Variants in MIR2052HG observed in about 807,000 individuals in gnomAD.
MIR2052HG encodes MIR2052 host gene.
chr8:74,719,355 G>A (rs1485146395), intron 4 of MIR2052HG, among the ~76,000 whole-genome samples: 1 of 152,174 alleles, frequency 6.6e-6, no homozygotes, highest in South Asian at 2.1e-4. Context: ...ATTGCATAGC[G>A]AGCACTGGTC....
chr8:74,739,125 GC>G (rs1809801068), intron 4 of MIR2052HG, among the ~76,000 whole-genome samples: 1 of 152,162 alleles, frequency 6.6e-6, no homozygotes, highest in Non-Finnish European at 1.5e-5. Context: ...TATTTATTTT[GC>G]TGTTACTAAT....
At chr8:74,676,795 T>C (rs1430764353) in intron 2 of MIR2052HG, among the ~76,000 whole-genome samples, 2 of 152,000 alleles carry the variant, frequency 1.3e-5, no homozygotes, top group African/African-American at 4.8e-5. Flanking sequence ...ATTCCAAGTG[T>C]ACTTACAACA....
intron 2 of MIR2052HG, among the ~76,000 whole-genome samples, chr8:74,655,516 C>T (rs950873636): frequency 6.6e-6 from 1 of 152,188 alleles, no homozygotes; most frequent in South Asian, 2.1e-4. Context: ...GCCATGGTTT[C>T]AGAGGATCCA....
intron 2 of MIR2052HG, among the ~76,000 whole-genome samples, chr8:74,672,591 T>C (rs1226662663): frequency 1.3e-5 from 2 of 152,024 alleles, no homozygotes; most frequent in Non-Finnish European, 2.9e-5. Flanking sequence ...CAGTGAAGGT[T>C]CAGGGAGAAT....
chr8:74,734,231 G>A (rs1343104040), intron 4 of MIR2052HG, among the ~76,000 whole-genome samples: 2 of 152,278 alleles, frequency 1.3e-5, no homozygotes, highest in South Asian at 2.1e-4. Flanking sequence ...AGGCTTAAAT[G>A]TGACCTTTGT....
At chr8:74,668,757 C>T (rs563059313) in intron 2 of MIR2052HG, among the ~76,000 whole-genome samples, 25 of 152,318 alleles carry the variant, frequency 1.6e-4, no homozygotes, top group African/African-American at 3.1e-4. Context: ...AGAGGCACCT[C>T]GCCAAGGTAA....
chr8:74,657,347 C>T (rs1195122880), intron 2 of MIR2052HG, among the ~76,000 whole-genome samples: 1 of 152,172 alleles, frequency 6.6e-6, no homozygotes, highest in African/African-American at 2.4e-5. Flanking sequence ...CAATAAACCA[C>T]TTCATCATTC....
At chr8:74,663,808 T>C (rs1808891964) in intron 2 of MIR2052HG, among the ~76,000 whole-genome samples, 1 of 152,222 alleles carries the variant, frequency 6.6e-6, no homozygotes, top group Non-Finnish European at 1.5e-5. Context: ...AAACTGAGTG[T>C]TCACTAGTTT....
chr8:74,617,545 A>T (rs1808303040), intron 2 of MIR2052HG, among the ~76,000 whole-genome samples: 1 of 151,936 alleles, frequency 6.6e-6, no homozygotes, highest in South Asian at 2.1e-4. Flanking sequence ...ATATACATAT[A>T]TATATGTATA....
intron 4 of MIR2052HG, among the ~76,000 whole-genome samples, chr8:74,747,868 C>A (rs900038853): frequency 3.3e-5 from 5 of 152,134 alleles, no homozygotes; most frequent in Admixed American, 3.3e-4. Context: ...TAGTCAAGTC[C>A]TACAAATTCA....
At chr8:74,642,212 G>C (rs1416021013) in intron 2 of MIR2052HG, among the ~76,000 whole-genome samples, 1 of 152,008 alleles carries the variant, frequency 6.6e-6, no homozygotes, top group Admixed American at 6.6e-5. Context: ...TAATTCCACA[G>C]TTCAAATTTG....
intron 2 of MIR2052HG, among the ~76,000 whole-genome samples, chr8:74,665,477 A>G (rs892593966): frequency 2.0e-5 from 3 of 152,234 alleles, no homozygotes; most frequent in Non-Finnish European, 1.5e-5. Context: ...AAGGTCACCA[A>G]TGACCTCCCC....
chr8:74,740,058 GGGAAATTACAA>G (rs2128755640), intron 4 of MIR2052HG, among the ~76,000 whole-genome samples: 1 of 152,168 alleles, frequency 6.6e-6, no homozygotes, highest in South Asian at 2.1e-4. Flanking sequence ...TTACATTTCT[GGGAAATTACAA>G]GGAAATTTAA....
chr8:74,623,795 T>A (rs1271920133), intron 2 of MIR2052HG, among the ~76,000 whole-genome samples: 1 of 152,206 alleles, frequency 6.6e-6, no homozygotes, highest in Non-Finnish European at 1.5e-5. Flanking sequence ...TTCTTCATGT[T>A]AGGTCTTTAT....
rs185608057 is a variant in MIR2052HG at position 74,741,568 on chromosome 8, T to C, written n.372-10873T>C. Among the ~76,000 whole-genome samples, 715 of 152,324 alleles carry C rather than the reference T, an allele frequency of 4.7e-3. 5 individuals carry two copies. Among genetic ancestry groups the C allele is most frequent in the Non-Finnish European group, 8.5e-3 (578 of 68,018 alleles). On this transcript the variant is annotated intron_variant and non_coding_transcript_variant, in intron 4 of 6. Transcript: ENST00000523442. ...ACTGATTTTATACCTTTATAAGTAC[T>C]ATAGATGCTAACTTAGCATTTTCCA...
chr8:74,734,732 G>A (rs543091361), intron 4 of MIR2052HG, among the ~76,000 whole-genome samples: 5 of 152,316 alleles, frequency 3.3e-5, no homozygotes, highest in African/African-American at 7.2e-5. Flanking sequence ...AGCAGCCCTC[G>A]TTGTTGTGTG....
chr8:74,606,121 C>T (rs1262488542), intron 1 of MIR2052HG, among the ~76,000 whole-genome samples: 1 of 152,146 alleles, frequency 6.6e-6, no homozygotes, highest in African/African-American at 2.4e-5. Flanking sequence ...TAAACAGTTC[C>T]AGGTGCAGGG....
At chr8:74,637,200 G>A (rs931390263) in intron 2 of MIR2052HG, among the ~76,000 whole-genome samples, 2 of 152,126 alleles carry the variant, frequency 1.3e-5, no homozygotes, top group Non-Finnish European at 2.9e-5. Flanking sequence ...GAGCAGGCAT[G>A]GAAGATTTTC....
intron 2 of MIR2052HG, among the ~76,000 whole-genome samples, chr8:74,651,066 C>T (rs1014878851): frequency 1.3e-5 from 2 of 151,700 alleles, no homozygotes; most frequent in African/African-American, 4.8e-5. Flanking sequence ...TGGAAATCAT[C>T]TGTGTATACG....
Sources: gnomAD v4.1 joint callset for allele counts (sites outside exome capture counted in the v4.1 genomes callset) on GRCh38, gnomAD v4.1.1 for gene constraint, MANE v1.5 for transcripts, NCBI Gene and HGNC (gene_info 2026-07-23, HGNC 2026-07-21) for gene names.